Variants in KIAA0825 observed in about 807,000 individuals in gnomAD.
KIAA0825 encodes uncharacterized protein KIAA0825.
Under a neutral mutation model 147.6 loss-of-function variants are expected in KIAA0825, and 119 were observed. The observed-to-expected ratio is 0.81, with a 90% CI of 0.69 to 0.94. The LOEUF (loss-of-function observed/expected upper bound fraction) is 0.94. KIAA0825 is among the 40% of genes least tolerant of loss of function. The pLI is 0.00. For missense variants in KIAA0825, 1,381 were observed against 1,472.7 expected, an observed-to-expected ratio of 0.94 and a Z score of 1.02; for synonymous variants, 470 against 518.1, an observed-to-expected ratio of 0.91 and a Z score of 1.26.
At chr5:94,364,604 A>G (rs1318897179) in intron 20 of KIAA0825, among the ~76,000 whole-genome samples, 3 of 151,812 alleles carry the variant, frequency 2.0e-5, no homozygotes, top group Non-Finnish European at 4.4e-5. Flanking sequence ...GGATGGTCTC[A>G]ATCTCCTGAC....
At chr5:94,401,233 C>T (rs1751331737) in intron 16 of KIAA0825, among the ~76,000 whole-genome samples, 1 of 146,322 alleles carries the variant, frequency 6.8e-6, no homozygotes, top group African/African-American at 2.5e-5. Flanking sequence ...CAGATAGTTT[C>T]CCCACAATTC....
chr5:94,243,539 G>A (rs894831338), intron 20 of KIAA0825, among the ~76,000 whole-genome samples: 6 of 152,166 alleles, frequency 3.9e-5, no homozygotes, highest in Admixed American at 1.3e-4. Flanking sequence ...CATAAGTGTA[G>A]CTGTCATTAC....
chr5:94,589,359 A>G (rs890567005), intron 1 of KIAA0825, among the ~76,000 whole-genome samples: 3 of 152,212 alleles, frequency 2.0e-5, no homozygotes, highest in African/African-American at 7.2e-5. Flanking sequence ...TTCCTGCAGC[A>G]AAGTCTACTA....
chr5:94,235,828 T>C (rs878985610), intron 20 of KIAA0825, among the ~76,000 whole-genome samples: 2 of 152,200 alleles, frequency 1.3e-5, no homozygotes, highest in Admixed American at 1.3e-4. Context: ...TCTCCTGTGC[T>C]TGTGCTCTAT....
At chr5:94,457,001 C>G (rs1002422797) in intron 12 of KIAA0825, among the ~76,000 whole-genome samples, 1 of 152,112 alleles carries the variant, frequency 6.6e-6, no homozygotes, top group African/African-American at 2.4e-5. Context: ...CTGCCAGTAC[C>G]TAAACTGTTT....
In KIAA0825 at chr5:94,477,198, C is replaced by A. The variant is rs1761991160; in HGVS notation, c.1140G>T (p.Leu380Phe). ...LKITRDTSGI[L>F]EKSDREVVME... ...TTACAACCTCTCTATCGGATTTCTC[C>A]AAAATTCCTAAGCAATAGAAAAGAA... Residue 380 changes from leucine to phenylalanine, a missense_variant, in exon 7 of 21, where the codon TTG (leucine) becomes TTT (phenylalanine). Physicochemically the swap from Leu to Phe is conservative, Grantham distance 22. Coordinates refer to ENST00000682413, the MANE Select transcript of KIAA0825 (RefSeq NM_001145678.3). 1 of 1,545,864 alleles carries A rather than the reference C, an allele frequency of 6.5e-7. No individual in the cohort carries two copies. The highest frequency in any genetic ancestry group is 1.4e-5 in the African/African-American group (1 of 72,078).
intron 15 of KIAA0825, chr5:94,415,404 A>T (rs1272511485): frequency 2.0e-5 from 3 of 152,210 alleles, no homozygotes; most frequent in Admixed American, 1.3e-4. Flanking sequence ...ATGTTTCCAA[A>T]TTAAACAAAA....
In KIAA0825 at chr5:94,595,488, C is replaced by T. The variant is rs148497616; in HGVS notation, c.-152-12905G>A. Among the ~76,000 whole-genome samples, 1,198 of 152,278 alleles carry T rather than the reference C, an allele frequency of 7.9e-3. 5 individuals carry two copies. Among genetic ancestry groups the T allele is most frequent in the South Asian group, 0.017 (83 of 4,826 alleles). ...GCAGCAAAGCCATGGGCCAAGCCCA[C>T]GAAACCATTTTTTCCTCCTAGGCTT... On this transcript the variant is annotated intron_variant, in intron 1 of 20. Transcript: ENST00000682413.
At position 94,460,650 on chromosome 5, in the gene KIAA0825, G is replaced by T. The variant is rs566111093; in HGVS notation, c.2246+1737C>A. Reference sequence around the variant, plus strand: ...TCACAATTTTTTTAATATGCTAATAGTATGACAGATTCATATCTTGGATGT... The same window carrying T: ...TCACAATTTTTTTAATATGCTAATATTATGACAGATTCATATCTTGGATGT... On this transcript the variant is annotated intron_variant, in intron 12 of 20. Coordinates refer to ENST00000682413, the MANE Select transcript of KIAA0825 (RefSeq NM_001145678.3). Among the ~76,000 whole-genome samples the T allele has an allele frequency of 1.2e-4, 18 of 152,100 alleles. No individual in the cohort carries two copies. The South Asian group carries it at 2.1e-3, about 18-fold the overall frequency.
intron 20 of KIAA0825, among the ~76,000 whole-genome samples, chr5:94,206,001 T>G (rs550754584): frequency 6.6e-6 from 1 of 152,230 alleles, no homozygotes; most frequent in African/African-American, 2.4e-5. Flanking sequence ...TTCCGTTATT[T>G]TCTTCAGAAA....
At chr5:94,208,500 T>C (rs997674752) in intron 20 of KIAA0825, among the ~76,000 whole-genome samples, 2 of 152,176 alleles carry the variant, frequency 1.3e-5, no homozygotes, top group Admixed American at 6.6e-5. Flanking sequence ...GTGAACCATC[T>C]TTGGGAGATA....
chr5:94,488,758 C>T (rs529643927), intron 5 of KIAA0825, among the ~76,000 whole-genome samples: 109 of 152,236 alleles, frequency 7.2e-4, no homozygotes, highest in African/African-American at 2.5e-3. Context: ...TTAGATTATA[C>T]GAAAAGGGTT....
intron 20 of KIAA0825, among the ~76,000 whole-genome samples, chr5:94,363,780 A>G (rs1745412744): frequency 6.6e-6 from 1 of 151,994 alleles, no homozygotes; most frequent in African/African-American, 2.4e-5. Flanking sequence ...AGGCTAGAGG[A>G]TCACTTTAGC....
At chr5:94,201,758 A>G (rs1207845293) in intron 20 of KIAA0825, among the ~76,000 whole-genome samples, 1 of 152,178 alleles carries the variant, frequency 6.6e-6, no homozygotes, top group African/African-American at 2.4e-5. Context: ...ATTCAGAACC[A>G]TTGTGATCGG....
At chr5:94,574,785 G>T (rs904816659) in intron 2 of KIAA0825, among the ~76,000 whole-genome samples, 6 of 152,014 alleles carry the variant, frequency 3.9e-5, no homozygotes, top group Non-Finnish European at 5.9e-5. Context: ...GTACAGTGGT[G>T]CCAGTATAAG....
intron 3 of KIAA0825, among the ~76,000 whole-genome samples, chr5:94,526,160 T>C (rs1769239641): frequency 6.6e-6 from 1 of 152,070 alleles, no homozygotes; most frequent in South Asian, 2.1e-4. Context: ...GTTTGGTATG[T>C]AATCTGACAA....
chr5:94,240,116 A>G (rs1361631702), intron 20 of KIAA0825, among the ~76,000 whole-genome samples: 3 of 152,244 alleles, frequency 2.0e-5, no homozygotes, highest in Non-Finnish European at 2.9e-5. Flanking sequence ...TGTTTAGGAA[A>G]TAAACAGTCC....
intron 20 of KIAA0825, among the ~76,000 whole-genome samples, chr5:94,244,895 C>T (rs1156774778): frequency 3.3e-5 from 5 of 152,256 alleles, no homozygotes; most frequent in Middle Eastern, 3.4e-3. Flanking sequence ...ACATGGGGTA[C>T]ATATGCTTCC....
intron 20 of KIAA0825, among the ~76,000 whole-genome samples, chr5:94,324,862 G>A (rs1252094429): frequency 6.6e-6 from 1 of 151,350 alleles, no homozygotes; most frequent in Non-Finnish European, 1.5e-5. Flanking sequence ...TACCTATTAG[G>A]TAATTTCTGG....
Sources: allele counts gnomAD v4.1 joint callset (sites outside exome capture counted in the v4.1 genomes callset), GRCh38; gene constraint gnomAD v4.1.1; transcripts MANE v1.5; gene names NCBI Gene and HGNC (gene_info 2026-07-23, HGNC 2026-07-21).